CDK17: variants seen among roughly 807,000 people sequenced by gnomAD.
CDK17 encodes cyclin-dependent kinase 17.
CDK17 carries 24 observed loss-of-function variants against 77.6 expected under a neutral mutation model. The ratio of observed to expected loss-of-function variants is 0.31; its 90% CI spans 0.22 to 0.44. The LOEUF is 0.44. CDK17 is among the 20% of genes least tolerant of loss of function. The probability of loss-of-function intolerance (pLI) is 1.00; values close to 1 mark genes in which losing one functional copy is unlikely to be tolerated. For missense variants in CDK17, 429 were observed against 622.5 expected, an observed-to-expected ratio of 0.69 and a Z score of 3.31; for synonymous variants, 203 against 210.4, an observed-to-expected ratio of 0.96 and a Z score of 0.30.
chr12:96,307,699 C>A (rs548371155), intron 5 of CDK17, among the ~76,000 whole-genome samples: 3 of 152,146 alleles, frequency 2.0e-5, no homozygotes, highest in Non-Finnish European at 4.4e-5. Flanking sequence ...GGCAAAACCC[C>A]ATCTCTACTA....
At chr12:96,396,784 AC>A (rs1220974478) in intron 1 of CDK17, among the ~76,000 whole-genome samples, 1 of 152,224 alleles carries the variant, frequency 6.6e-6, no homozygotes, top group Admixed American at 6.5e-5. Flanking sequence ...AAACAAACAA[AC>A]AAAAAATACA....
intron 1 of CDK17, among the ~76,000 whole-genome samples, chr12:96,348,382 G>T (rs2137166954): frequency 6.6e-6 from 1 of 151,866 alleles, no homozygotes; most frequent in East Asian, 1.9e-4. Flanking sequence ...AAATTAGCTG[G>T]ACGTCAAGGC....
chr12:96,383,400 A>AGGG (rs1953918648), intron 1 of CDK17, among the ~76,000 whole-genome samples: 1 of 104,084 alleles, frequency 9.6e-6, no homozygotes, highest in Admixed American at 1.0e-4. Context: ...TCACAAAATT[A>AGGG]GAAGAAAAAA....
Position 96,307,812 on chromosome 12 carries a change from C to A in CDK17, c.543+3240G>T, listed in dbSNP as rs527537392. Among the ~76,000 whole-genome samples, 7 of 152,082 alleles carry A rather than the reference C, an allele frequency of 4.6e-5. No homozygotes were observed. The East Asian group carries it at 1.2e-3, about 25-fold the overall frequency. On this transcript the variant is annotated intron_variant, in intron 5 of 16. Transcript: ENST00000261211. ...CTTGAACCAGAGGCAGAGGTTGCAA[C>A]GAGCCGAGATCGCGCCATTGTACTC...
At chr12:96,322,679 A>G (rs1325152146) in intron 3 of CDK17, among the ~76,000 whole-genome samples, 3 of 152,228 alleles carry the variant, frequency 2.0e-5, no homozygotes, top group Non-Finnish European at 4.4e-5. Context: ...GACTATAACT[A>G]GAACAGAAAA....
At chr12:96,363,188 T>C (rs1953524089) in intron 1 of CDK17, among the ~76,000 whole-genome samples, 1 of 152,146 alleles carries the variant, frequency 6.6e-6, no homozygotes, top group East Asian at 1.9e-4. Context: ...TGCTGGCTCA[T>C]GCCTGTAATC....
intron 3 of CDK17, among the ~76,000 whole-genome samples, chr12:96,318,261 T>C (rs901694096): frequency 1.3e-5 from 2 of 151,996 alleles, no homozygotes; most frequent in Admixed American, 6.5e-5. Flanking sequence ...ATCCTAAATA[T>C]ATATGCACCC....
chr12:96,331,810 T>G (rs985413287), intron 2 of CDK17, among the ~76,000 whole-genome samples: 10 of 152,176 alleles, frequency 6.6e-5, no homozygotes, highest in African/African-American at 1.7e-4. Context: ...ATGAGAGCCA[T>G]GTGCCTAGAT....
At chr12:96,296,270 AG>A (rs1476385073) in intron 9 of CDK17, among the ~76,000 whole-genome samples, 2 of 152,246 alleles carry the variant, frequency 1.3e-5, no homozygotes, top group African/African-American at 4.8e-5. Flanking sequence ...TAAAAAAAGC[AG>A]GAAAAACAAA....
chr12:96,367,262 T>C (rs143679277), intron 1 of CDK17, among the ~76,000 whole-genome samples: 32,359 of 143,304 alleles, frequency 0.23, 4,371 homozygotes, highest in Middle Eastern at 0.34. Flanking sequence ...GGAGAATCAC[T>C]TGAGCCTAGG....
Position 96,278,622 on chromosome 12 carries a change from AC to A in CDK17, c.*1619del, listed in dbSNP as rs1473894001. 6.6e-6 allele frequency: 1 copy of A among 152,572 alleles called. No individual in the cohort carries two copies. Among genetic ancestry groups the A allele is most frequent in the African/African-American group, 2.4e-5 (1 of 41,454 alleles). The allele number at this position is 152,572 out of a possible 1,614,324, so 9.5% of individuals were successfully genotyped here. A position where few individuals can be genotyped will look rare whatever the true frequency, so the allele number is the denominator to read the frequency against. ...ATGAAGGAATTTCCACATATTTATAACCTTCAAAGTACAATATTAATACATG... is the reference window on the plus strand; with the variant it reads ...ATGAAGGAATTTCCACATATTTATAACTTCAAAGTACAATATTAATACATG... On this transcript the variant is annotated 3_prime_UTR_variant, in exon 17 of 17. Coordinates refer to ENST00000261211, the MANE Select transcript of CDK17 (RefSeq NM_002595.5).
At chr12:96,328,802 A>C (rs1331210222) in intron 2 of CDK17, among the ~76,000 whole-genome samples, 3 of 152,152 alleles carry the variant, frequency 2.0e-5, no homozygotes, top group Non-Finnish European at 4.4e-5. Context: ...CAGACTTAGG[A>C]GTAGTCAACA....
chr12:96,334,300 A>C (rs1953011249), intron 2 of CDK17, among the ~76,000 whole-genome samples: 1 of 152,236 alleles, frequency 6.6e-6, no homozygotes, highest in South Asian at 2.1e-4. Context: ...GCACTGTCAA[A>C]TGCATGAAAC....
At position 96,323,372 on chromosome 12, in the gene CDK17, T is replaced by G. The variant is rs61081277; in HGVS notation, c.283+576A>C. 5.8e-3 allele frequency among the ~76,000 whole-genome samples: 878 copies of G among 151,878 alleles called. 11 individuals carry two copies. Among genetic ancestry groups the G allele is most frequent in the African/African-American group, 0.019 (800 of 41,424 alleles). The stretch of plus-strand genomic sequence containing the variant: ...TCAGGAGGCTGAGGTGGGAGGATCA[T>G]TTGAGCCTGGGAGGTCAGGGCTGCA... On this transcript the variant is annotated intron_variant, in intron 3 of 16. Transcript: ENST00000261211.
chr12:96,351,318 C>CA (rs33926052), intron 1 of CDK17, among the ~76,000 whole-genome samples: 72 of 148,608 alleles, frequency 4.8e-4, no homozygotes, highest in South Asian at 2.1e-3. Context: ...AGGGATATAC[C>CA]AAAAAAAAAA....
chr12:96,345,394 A>G (rs1430677841), intron 1 of CDK17, among the ~76,000 whole-genome samples: 1 of 152,222 alleles, frequency 6.6e-6, no homozygotes, highest in Non-Finnish European at 1.5e-5. Flanking sequence ...ATCTTTGAGG[A>G]ATCGCCACAC....
intron 1 of CDK17, among the ~76,000 whole-genome samples, chr12:96,344,821 T>A (rs563613795): frequency 6.6e-6 from 1 of 152,270 alleles, no homozygotes; most frequent in African/African-American, 2.4e-5. Context: ...TTTTAATTAT[T>A]TTATTGTTGT....
chr12:96,362,215 C>T (rs1234786460), intron 1 of CDK17, among the ~76,000 whole-genome samples: 6 of 151,824 alleles, frequency 4.0e-5, no homozygotes, highest in African/African-American at 9.7e-5. Context: ...TTACAGCACA[C>T]TTTGATTTTT....
At chr12:96,337,446 G>A (rs1036844637) in intron 1 of CDK17, among the ~76,000 whole-genome samples, 2 of 152,084 alleles carry the variant, frequency 1.3e-5, no homozygotes, top group Non-Finnish European at 2.9e-5. Flanking sequence ...CCTTCAAAAT[G>A]ATTTTTTCCC....
Sources: allele counts gnomAD v4.1 joint callset (sites outside exome capture counted in the v4.1 genomes callset), GRCh38; gene constraint gnomAD v4.1.1; transcripts MANE v1.5; gene names NCBI Gene and HGNC (gene_info 2026-07-23, HGNC 2026-07-21).